The following PRR12 variants were observed in gnomAD, a reference collection of about 807,000 sequenced individuals.
The protein encoded by PRR12 is proline rich 12.
A neutral mutation model predicts 138.0 loss-of-function variants in PRR12; 12 were observed. The ratio of observed to expected loss-of-function variants is 0.09; its 90% CI spans 0.06 to 0.14. The LOEUF is 0.14. PRR12 is among the 10% of genes least tolerant of loss of function. PRR12 has a pLI of 1.00. For missense variants in PRR12, 2,692 were observed against 2,861.3 expected (o/e 0.94, Z 1.35); for synonymous variants, 1,567 against 1,291.7 (o/e 1.21, Z -4.57).
rs1236240881 is a variant in PRR12 at position 49,594,955 on chromosome 19, G to A, written c.620G>A (p.Arg207His). 1.0e-5 allele frequency: 16 copies of A among 1,600,570 alleles called. No individual in the cohort carries two copies. The highest frequency in any genetic ancestry group is 3.4e-5 in the South Asian group (3 of 89,368). ...PTVPSSLGFE[R>H]LAGGGVLGPA... ...GTGCCCTCTTCACTGGGCTTCGAGCGCCTGGCAGGGGGCGGTGTCTTGGGG... is the reference window on the plus strand; with the variant it reads ...GTGCCCTCTTCACTGGGCTTCGAGCACCTGGCAGGGGGCGGTGTCTTGGGG... The change falls in exon 4 of 14, where the codon CGC (arginine) becomes CAC (histidine). Residue 207 changes from arginine (R) to histidine (H), a missense_variant. Transcript: ENST00000418929. The surrounding 1 kb of genome is among the most constrained non-coding windows in gnomAD (Gnocchi z 5.6).
In PRR12 at chr19:49,625,744, CT is replaced by C. The variant is rs994323603; in HGVS notation, c.*138del. On this transcript the variant is annotated 3_prime_UTR_variant, in exon 14 of 14. Coordinates refer to ENST00000418929, the MANE Select transcript of PRR12 (RefSeq NM_020719.3). The surrounding 1 kb of genome is among the most constrained non-coding windows in gnomAD (Gnocchi z 5.5). ...GGTCAGGGTGTGTCTGTGCTGCCCC[CT>C]CCAGGGCAGGGTTCAAAGTCCGACT... The C allele has an allele frequency of 8.4e-7, 1 of 1,188,160 alleles. No individual in the cohort carries two copies. Among genetic ancestry groups the C allele is most frequent in the African/African-American group, 1.6e-5 (1 of 64,250 alleles). 73.6% of individuals were successfully genotyped at this position (1,188,160 alleles called of 1,614,324 possible).
intron 6 of PRR12, among the ~76,000 whole-genome samples, chr19:49,607,352 T>C (rs183671357): frequency 1.4e-5 from 2 of 139,366 alleles, no homozygotes; most frequent in Admixed American, 1.4e-4. Context: ...GCCTCTGTCA[T>C]GTACGTGTGC....
At chr19:49,600,976 C>T (rs2080807164) in intron 5 of PRR12, among the ~76,000 whole-genome samples, 1 of 152,106 alleles carries the variant, frequency 6.6e-6, no homozygotes, top group African/African-American at 2.4e-5. Flanking sequence ...CCACCCACCT[C>T]AGCCTCCCAA....
rs1375648943 is a variant in PRR12 at position 49,596,378 on chromosome 19, G to A, written c.2043G>A (p.Gly681=). 6.2e-7 allele frequency: 1 copy of A among 1,601,506 alleles called. No individual in the cohort carries two copies. Among genetic ancestry groups the A allele is most frequent in the Admixed American group, 1.7e-5 (1 of 59,034 alleles). Residue 681 remains glycine (G), a synonymous_variant, in exon 4 of 14, where the codon GGG becomes GGA. Coordinates refer to ENST00000418929, the MANE Select transcript of PRR12 (RefSeq NM_020719.3). This position sits in a 1 kb window ranked among gnomAD's most constrained non-coding sequence, Gnocchi z 5.6. ...GACTTGGGGGGAGTGGCGGGGCCGG[G>A]GGACCACCGGGTACACCCTACGAGT... The part of the protein sequence containing the change: ...SKGLGGSGGA[G]GPPGTPYELA...
In PRR12 at chr19:49,625,380, C is replaced by A. The variant is rs2080949491; in HGVS notation, c.5965-81C>A. On this transcript the variant is annotated intron_variant, in intron 13 of 13. Transcript: ENST00000418929. The surrounding 1 kb of genome is among the most constrained non-coding windows in gnomAD (Gnocchi z 5.5). ...CTCCCTGGGACACTGACATCTGACA[C>A]CCCAGGCCCCATGCCCCAGCCCCTT... 4 of 1,472,626 alleles carry A rather than the reference C, an allele frequency of 2.7e-6. No homozygotes were observed. Among genetic ancestry groups the A allele is most frequent in the Non-Finnish European group, 2.7e-6 (3 of 1,093,664 alleles). 91.2% of individuals were successfully genotyped at this position (1,472,626 alleles called of 1,614,324 possible).
At position 49,596,450 on chromosome 19, in the gene PRR12, C is replaced by T. The variant is rs752583300; in HGVS notation, c.2115C>T (p.Arg705=). The change falls in exon 4 of 14, where the codon CGC becomes CGT. Residue 705 remains arginine (R), a synonymous_variant. Transcript: ENST00000418929. This position sits in a 1 kb window ranked among gnomAD's most constrained non-coding sequence, Gnocchi z 5.6. ...GGTACCACCTGCAGAGTGTCATCCG[C>T]ACCAGTGCCAGCCTGGATGAGGGTG... ...PQRYHLQSVI[R]TSASLDEGAT... 6.2e-7 allele frequency: 1 copy of T among 1,611,292 alleles called. No individual in the cohort carries two copies. Among genetic ancestry groups the T allele is most frequent in the Non-Finnish European group, 8.5e-7 (1 of 1,179,478 alleles).
At chr19:49,593,251 C>T in intron 1 of PRR12, 76 bp from the exon 2 acceptor site, 1 of 710,916 alleles carries the variant, frequency 1.4e-6, no homozygotes, top group Non-Finnish European at 2.4e-6. Flanking sequence ...CCCCCCAACT[C>T]CCCGGGGGGT....
rs770890390 is a variant in PRR12, at chr19:49,624,910, G to T, written c.5788G>T (p.Ala1930Ser). The part of the protein sequence containing the change: ...QSGEGSPEEG[A>S]VRLRPAGEPY... The stretch of plus-strand genomic sequence containing the variant: ...TGGGGAGGGCTCTCCGGAAGAGGGG[G>T]CTGTGCGGCTGCGGCCTGCTGGGGA... Residue 1930 changes from alanine (A) to serine (S), a missense_variant, in exon 12 of 14, where the codon GCT becomes TCT. By Grantham distance (99) the Ala-to-Ser change is moderately conservative. Around this residue, in one of 11 missense-constraint regions of PRR12, gnomAD observed 116 missense variants for 243.4 expected, o/e 0.48. Coordinates refer to ENST00000418929, the MANE Select transcript of PRR12 (RefSeq NM_020719.3). 2.5e-6 allele frequency: 4 copies of T among 1,606,772 alleles called. No individual in the cohort carries two copies. The Admixed American group carries it at 6.8e-5, about 27-fold the overall frequency.
rs745946950 is a variant in PRR12, at chr19:49,595,001, C to T, written c.666C>T (p.Ala222=). The part of the protein sequence containing the change: ...GVLGPAGLGP[A]QTPPYRPGPP... ...TGGGGCCAGCTGGTCTCGGTCCAGC[C>T]CAGACCCCCCCTTACCGCCCTGGCC... The change falls in exon 4 of 14, where the codon GCC becomes GCT. Residue 222 remains alanine (A), a synonymous_variant. Transcript: ENST00000418929. The T allele has an allele frequency of 2.9e-5, 46 of 1,599,106 alleles. No individual in the cohort carries two copies. Among genetic ancestry groups the T allele is most frequent in the Middle Eastern group, 1.7e-4 (1 of 6,040 alleles).
rs569072929 is a variant in PRR12 at position 49,616,570 on chromosome 19, C to T, written c.5497+351C>T. Reference sequence around the variant, plus strand: ...CCTCGGACTCTGTTCTTCAGTGCTGCGTTCTGCCTCATAATAGGCAAGATT... The same window carrying T: ...CCTCGGACTCTGTTCTTCAGTGCTGTGTTCTGCCTCATAATAGGCAAGATT... On this transcript the variant is annotated intron_variant, in intron 9 of 13. Transcript: ENST00000418929. The surrounding 1 kb of genome is among the most constrained non-coding windows in gnomAD (Gnocchi z 4.2). Among the ~76,000 whole-genome samples the T allele has an allele frequency of 7.9e-5, 12 of 152,210 alleles. No homozygotes were observed. Among genetic ancestry groups the T allele is most frequent in the Admixed American group, 5.9e-4 (9 of 15,280 alleles).
chr19:49,625,244 T>G lies in PRR12; in HGVS notation c.5964+44T>G. The G allele has an allele frequency of 6.3e-7, 1 of 1,583,086 alleles. No individual in the cohort carries two copies. The highest frequency in any genetic ancestry group is 1.7e-5 in the Admixed American group (1 of 59,400). On this transcript the variant is annotated intron_variant, in intron 13 of 13. Transcript: ENST00000418929. This position sits in a 1 kb window ranked among gnomAD's most constrained non-coding sequence, Gnocchi z 5.5. The stretch of plus-strand genomic sequence containing the variant: ...ACCCATCGCCCTGGGATTCCAACCT[T>G]TCTGACTTCCTCTTGGGATCTGAGG...
Position 49,614,710 on chromosome 19 carries a change from G to C in PRR12, c.4890+61G>C. The stretch of plus-strand genomic sequence containing the variant: ...CCGGGGCGTGGTATCTAGGAGCTGG[G>C]GTTCCCCTTAGTGTGGCTGTGACTC... On this transcript the variant is annotated intron_variant, in intron 7 of 13. Transcript: ENST00000418929. This position sits in a 1 kb window ranked among gnomAD's most constrained non-coding sequence, Gnocchi z 5.0. 1 of 1,497,718 alleles carries C rather than the reference G, an allele frequency of 6.7e-7. No individual in the cohort carries two copies. The highest frequency in any genetic ancestry group is 9.1e-7 in the Non-Finnish European group (1 of 1,102,636). 92.8% of individuals were successfully genotyped at this position (1,497,718 alleles called of 1,614,324 possible).
In PRR12 at chr19:49,614,619, C is replaced by T. The variant is rs780281675; in HGVS notation, c.4860C>T (p.Asp1620=). The change falls in exon 7 of 14, where the codon GAC becomes GAT. Residue 1620 remains aspartate (D), a synonymous_variant. Transcript: ENST00000418929. The surrounding 1 kb of genome is among the most constrained non-coding windows in gnomAD (Gnocchi z 5.0). ...AGAAATTCACTCCGGAGATCAAGGACGGCCAGAGGCAGTTTTGTGCCACCA... is the reference window on the plus strand; with the variant it reads ...AGAAATTCACTCCGGAGATCAAGGATGGCCAGAGGCAGTTTTGTGCCACCA... ...LLQKFTPEIK[D]GQRQFCATSN... is the part of the protein sequence containing the mutation. 1.7e-5 allele frequency: 26 copies of T among 1,563,366 alleles called. No homozygotes were observed. The highest frequency in any genetic ancestry group is 2.4e-5 in the East Asian group (1 of 41,744).
chr19:49,606,715 C>T (rs2080840383), intron 6 of PRR12, among the ~76,000 whole-genome samples: 1 of 145,014 alleles, frequency 6.9e-6, no homozygotes, highest in Non-Finnish European at 1.5e-5. Flanking sequence ...GGCACAATCT[C>T]AGCTCACTGC....
rs1205991540 is a variant in PRR12 at position 49,591,691 on chromosome 19, C to G, written c.37C>G (p.Pro13Ala). ...CTACCCCAGCGCCGGCTTCGGGGAC[C>G]CGCTCGGCGCCGGGGCGGGATGGAG... The part of the protein sequence containing the change: ...RNYPSAGFGD[P>A]LGAGAGWSYE... Residue 13 changes from proline to alanine, a missense_variant, in exon 1 of 14, where the codon CCG becomes GCG. Transcript: ENST00000418929. 3 of 1,353,348 alleles carry G rather than the reference C, an allele frequency of 2.2e-6. No individual in the cohort carries two copies. Among genetic ancestry groups the G allele is most frequent in the Non-Finnish European group, 2.9e-6 (3 of 1,029,284 alleles). 83.8% of individuals were successfully genotyped at this position (1,353,348 alleles called of 1,614,324 possible). A position where few individuals can be genotyped will look rare whatever the true frequency, so the allele number is the denominator to read the frequency against.
chr19:49,607,685 G>A (rs1490744800), intron 6 of PRR12, among the ~76,000 whole-genome samples: 1 of 150,726 alleles, frequency 6.6e-6, no homozygotes, highest in Non-Finnish European at 1.5e-5. Context: ...TCCAATCTGG[G>A]TGACAGAGCG....
chr19:49,609,457 C>T (rs748768834), intron 6 of PRR12, among the ~76,000 whole-genome samples: 14 of 151,984 alleles, frequency 9.2e-5, no homozygotes, highest in African/African-American at 1.7e-4. Flanking sequence ...AAAAATTAGC[C>T]GGACATGGTG....
Position 49,595,910 on chromosome 19 carries a change from C to A in PRR12, c.1575C>A (p.Pro525=). ...PGPAAHSQGL[P]TASPSLSYST... ...CAGCCGCCCACTCCCAGGGGCTGCC[C>A]ACAGCCAGCCCCTCGCTCAGCTACA... Residue 525 remains proline, a synonymous_variant, in exon 4 of 14, where the codon CCC becomes CCA. Transcript: ENST00000418929. The A allele has an allele frequency of 6.2e-7, 1 of 1,602,670 alleles. No homozygotes were observed. The highest frequency in any genetic ancestry group is 8.5e-7 in the Non-Finnish European group (1 of 1,179,602).
At position 49,621,452 on chromosome 19, in the gene PRR12, C is replaced by A. The variant is rs1010028469; in HGVS notation, c.5624-73C>A. On this transcript the variant is annotated intron_variant, in intron 10 of 13. Coordinates refer to ENST00000418929, the MANE Select transcript of PRR12 (RefSeq NM_020719.3). The stretch of plus-strand genomic sequence containing the variant: ...TGGGAAGGGGATTTGGGGACCCAGA[C>A]TCCATGACCCCACCTTGGCCCCAGT... The A allele has an allele frequency of 4.9e-6, 6 of 1,219,836 alleles. No homozygotes were observed. The African/African-American group carries it at 9.1e-5, about 18-fold the overall frequency. 75.6% of individuals were successfully genotyped at this position (1,219,836 alleles called of 1,614,324 possible). A position where few individuals can be genotyped will look rare whatever the true frequency, so the allele number is the denominator to read the frequency against.
Sources: allele counts gnomAD v4.1 joint callset (sites outside exome capture counted in the v4.1 genomes callset), GRCh38; gene constraint gnomAD v4.1.1; regional missense constraint gnomAD v4.1.1; non-coding constraint Gnocchi (gnomAD v3.1); transcripts MANE v1.5; gene names NCBI Gene and HGNC (gene_info 2026-07-23, HGNC 2026-07-21).